DLG2: variants seen among roughly 807,000 people sequenced by gnomAD.
DLG2 encodes the protein discs large MAGUK scaffold protein 2.
In DLG2, 45 loss-of-function variants were observed where a neutral mutation model predicts 132.5. That is an observed-to-expected ratio of 0.34 (90% CI 0.27 to 0.44). The LOEUF (loss-of-function observed/expected upper bound fraction) is 0.44, where lower values mean the gene tolerates loss of function less well. Ranked by LOEUF, DLG2 falls within the 20% of genes least tolerant of loss-of-function variation. The probability of loss-of-function intolerance (pLI) is 1.00; values close to 1 mark genes in which losing one functional copy is unlikely to be tolerated. For synonymous variants in DLG2, 424 were observed against 419.6 expected (o/e 1.01, Z -0.13); for missense variants, 1,045 against 1,196.9 (o/e 0.87, Z 1.87).
intron 3 of DLG2, among the ~76,000 whole-genome samples, chr11:85,322,154 T>C (rs2152826350): frequency 6.6e-6 from 1 of 152,212 alleles, no homozygotes; most frequent in East Asian, 1.9e-4. Flanking sequence ...GGTCACCATA[T>C]CCTTTTCTCA....
intron 17 of DLG2, among the ~76,000 whole-genome samples, chr11:83,794,768 G>A (rs1488760606): frequency 2.6e-5 from 4 of 152,026 alleles, no homozygotes; most frequent in African/African-American, 9.7e-5. Flanking sequence ...GTGGAAAGAG[G>A]CTAAGGATCT....
intron 6 of DLG2, among the ~76,000 whole-genome samples, chr11:84,990,753 T>C (rs1448717624): frequency 2.0e-5 from 3 of 150,310 alleles, no homozygotes; most frequent in Admixed American, 2.0e-4. Flanking sequence ...ACATTGCTAA[T>C]GAGAATCTAA....
intron 8 of DLG2, among the ~76,000 whole-genome samples, chr11:84,207,582 A>T (rs1490110729): frequency 6.6e-6 from 1 of 152,190 alleles, no homozygotes; most frequent in Non-Finnish European, 1.5e-5. Flanking sequence ...TTACCTGGAT[A>T]TCTATTGGAA....
rs1483356564 is a variant in DLG2, at chr11:84,198,818, C to A, written c.574-35307G>T. Among the ~76,000 whole-genome samples the A allele has an allele frequency of 6.6e-5, 10 of 152,084 alleles. No homozygotes were observed. In the East Asian group the frequency reaches 1.7e-3, roughly 26 times the overall value. ...AGTTGACTTTGCACTCATGGTAACA[C>A]CAAGAAAATCTAGAGAGTATAAAAG... On this transcript the variant is annotated intron_variant, in intron 8 of 27. Coordinates refer to ENST00000376104, the MANE Select transcript of DLG2 (RefSeq NM_001142699.3).
chr11:84,486,871 C>T (rs138896771), intron 7 of DLG2, among the ~76,000 whole-genome samples: 9 of 152,096 alleles, frequency 5.9e-5, no homozygotes, highest in Middle Eastern at 6.8e-3. Context: ...GAGTATGTTG[C>T]TAGCAAAAAA....
intron 11 of DLG2, among the ~76,000 whole-genome samples, chr11:84,051,929 G>C (rs775612925): frequency 6.6e-6 from 1 of 151,736 alleles, no homozygotes; most frequent in South Asian, 2.1e-4. Context: ...AAAAAAGGAC[G>C]TCCAAGGCCT....
At chr11:83,852,098 G>A (rs1020500521) in intron 16 of DLG2, among the ~76,000 whole-genome samples, 1 of 152,166 alleles carries the variant, frequency 6.6e-6, no homozygotes, top group Non-Finnish European at 1.5e-5. Flanking sequence ...GTTTCAGAGG[G>A]ACCAGGGCCT....
At chr11:84,432,262 G>C (rs575675231) in intron 7 of DLG2, among the ~76,000 whole-genome samples, 1 of 152,334 alleles carries the variant, frequency 6.6e-6, no homozygotes, top group African/African-American at 2.4e-5. Context: ...GGAAGCTAGA[G>C]AGAGCATGGG....
rs1283662483 is a variant in DLG2, at chr11:84,714,590, TCTCTTTCTTTCTCTTTCTC to T, written c.358-179878_358-179860del. ...TTCTCTTTCTCTTTCTCTTTCTCTT[TCTCTTTCTTTCTCTTTCTC>T]TTTCTCTTTCTCTTTCTCTCTCTCT... is the stretch of plus-strand genomic sequence containing the variant. On this transcript the variant is annotated intron_variant, in intron 6 of 27. Coordinates refer to ENST00000376104, the MANE Select transcript of DLG2 (RefSeq NM_001142699.3). 3.1e-5 allele frequency among the ~76,000 whole-genome samples: 4 copies of T among 130,902 alleles called. No individual in the cohort carries two copies. The South Asian group carries it at 7.2e-4, about 24-fold the overall frequency. The allele number at this position is 130,902 out of a possible 152,430, so 85.9% of individuals were successfully genotyped here. A position where few individuals can be genotyped will look rare whatever the true frequency, so the allele number is the denominator to read the frequency against.
chr11:84,151,061 T>C (rs780376573), intron 9 of DLG2, among the ~76,000 whole-genome samples: 57 of 152,138 alleles, frequency 3.7e-4, no homozygotes, highest in Admixed American at 7.9e-4. Flanking sequence ...GATATTGGCT[T>C]GAAGTTGTCT....
intron 6 of DLG2, among the ~76,000 whole-genome samples, chr11:84,687,804 T>A (rs1247060379): frequency 1.3e-5 from 2 of 152,028 alleles, no homozygotes; most frequent in East Asian, 1.9e-4. Context: ...TCAAAAAAAA[T>A]GAAAAAAATG....
intron 18 of DLG2, among the ~76,000 whole-genome samples, chr11:83,741,322 A>C (rs2092490854): frequency 6.6e-6 from 1 of 152,140 alleles, no homozygotes; most frequent in African/African-American, 2.4e-5. Context: ...GGGAAGAGAA[A>C]GAAATAAAAG....
chr11:85,353,852 G>A (rs1199630094), intron 3 of DLG2, among the ~76,000 whole-genome samples: 2 of 152,096 alleles, frequency 1.3e-5, no homozygotes, highest in Non-Finnish European at 2.9e-5. Flanking sequence ...GTGGGAGGAA[G>A]GGGGAGGGAT....
chr11:85,109,844 A>G (rs1460311120), intron 6 of DLG2, among the ~76,000 whole-genome samples: 1 of 152,120 alleles, frequency 6.6e-6, no homozygotes, highest in Non-Finnish European at 1.5e-5. Flanking sequence ...CTCTTAGGAG[A>G]AAAGTGTTAA....
At chr11:85,047,960 C>G (rs755126809) in intron 6 of DLG2, among the ~76,000 whole-genome samples, 1 of 151,826 alleles carries the variant, frequency 6.6e-6, no homozygotes, top group Non-Finnish European at 1.5e-5. Flanking sequence ...GAATTCTACT[C>G]CTGTTGCCTG....
At chr11:85,336,036 C>T (rs1411956555) in intron 3 of DLG2, 1 of 152,210 alleles carries the variant, frequency 6.6e-6, no homozygotes, top group Non-Finnish European at 1.5e-5. Flanking sequence ...CACTGAAGGG[C>T]ACACTATTAA....
intron 6 of DLG2, among the ~76,000 whole-genome samples, chr11:84,591,223 C>CTGTGTGTGTGTGTG (rs781411791): frequency 0.034 from 4,688 of 139,214 alleles, 109 homozygotes; most frequent in Middle Eastern, 0.051. Context: ...ATGTGTCTCT[C>CTGTGTGTGTGTGTG]TGTGTGTGTG....
chr11:83,944,943 G>T (rs556795099), intron 14 of DLG2, among the ~76,000 whole-genome samples: 1 of 152,122 alleles, frequency 6.6e-6, no homozygotes, highest in Non-Finnish European at 1.5e-5. Flanking sequence ...TATGTGATTT[G>T]CCTAAAATCT....
intron 19 of DLG2, among the ~76,000 whole-genome samples, chr11:83,564,582 C>T (rs1370669658): frequency 1.3e-5 from 2 of 152,128 alleles, no homozygotes; most frequent in East Asian, 1.9e-4. Flanking sequence ...ATTCTGGCAT[C>T]TATGTTTTTG....
Sources: gnomAD v4.1 joint callset for allele counts (sites outside exome capture counted in the v4.1 genomes callset) on GRCh38, gnomAD v4.1.1 for gene constraint, MANE v1.5 for transcripts, NCBI Gene and HGNC (gene_info 2026-07-23, HGNC 2026-07-21) for gene names.